The following ARHGAP15 variants were observed in gnomAD, a reference collection of about 807,000 sequenced individuals.
ARHGAP15 encodes the protein Rho GTPase activating protein 15.
In ARHGAP15, 51 loss-of-function variants were observed where a neutral mutation model predicts 63.7. The observed-to-expected ratio is 0.80, with a 90% confidence interval of 0.64 to 1.01. The LOEUF is 1.01. Ranked by LOEUF, ARHGAP15 falls within the 50% of genes least tolerant of loss-of-function variation. The probability of loss-of-function intolerance (pLI) is 0.00; values close to 1 mark genes in which losing one functional copy is unlikely to be tolerated. For synonymous variants in ARHGAP15, 191 were observed against 193.8 expected (o/e 0.99, Z 0.12); for missense variants, 560 against 564.6 (o/e 0.99, Z 0.08).
At chr2:143,592,172 A>G (rs1248916834) in intron 11 of ARHGAP15, among the ~76,000 whole-genome samples, 1 of 152,146 alleles carries the variant, frequency 6.6e-6, no homozygotes, top group Non-Finnish European at 1.5e-5. Context: ...TTTTAAAATT[A>G]TACTCTCATA....
intron 3 of ARHGAP15, among the ~76,000 whole-genome samples, chr2:143,208,734 A>C (rs1692451025): frequency 6.6e-6 from 1 of 152,164 alleles, no homozygotes; most frequent in Non-Finnish European, 1.5e-5. Context: ...ACTGTTCATG[A>C]GACCTAATTA....
chr2:143,422,363 T>A (rs7605635), intron 6 of ARHGAP15, among the ~76,000 whole-genome samples: 9,062 of 152,132 alleles, frequency 0.06, 774 homozygotes, highest in Admixed American at 0.23. Context: ...GGGATTATTG[T>A]TTGAGATCAT....
intron 1 of ARHGAP15, among the ~76,000 whole-genome samples, chr2:143,136,456 C>A (rs777970284): frequency 6.6e-6 from 1 of 152,090 alleles, no homozygotes; most frequent in South Asian, 2.1e-4. Context: ...TCTCTGCTTT[C>A]AAGTTAGAAT....
chr2:143,585,700 A>C (rs1441019340), intron 11 of ARHGAP15, among the ~76,000 whole-genome samples: 1 of 152,190 alleles, frequency 6.6e-6, no homozygotes, highest in Non-Finnish European at 1.5e-5. Flanking sequence ...TTTAGACCAA[A>C]TCTTTCTCAT....
At chr2:143,387,232 G>A (rs1255833062) in intron 6 of ARHGAP15, among the ~76,000 whole-genome samples, 2 of 152,088 alleles carry the variant, frequency 1.3e-5, no homozygotes, top group Non-Finnish European at 2.9e-5. Context: ...TTGTAATGGT[G>A]GAAGTTCCTT....
At chr2:143,188,641 A>ATTC (rs1396515014) in intron 2 of ARHGAP15, among the ~76,000 whole-genome samples, 1 of 140,258 alleles carries the variant, frequency 7.1e-6, no homozygotes, top group Non-Finnish European at 1.6e-5. Context: ...TATTATTATT[A>ATTC]TTATTATTAT....
At chr2:143,268,144 C>T (rs1361097960) in intron 6 of ARHGAP15, among the ~76,000 whole-genome samples, 1 of 150,896 alleles carries the variant, frequency 6.6e-6, no homozygotes, top group Non-Finnish European at 1.5e-5. Context: ...ATGTATGTAA[C>T]TATCATGGCA....
chr2:143,539,825 G>C (rs1332848240), intron 10 of ARHGAP15, among the ~76,000 whole-genome samples: 1 of 152,070 alleles, frequency 6.6e-6, no homozygotes, highest in Admixed American at 6.5e-5. Context: ...TGGAATAGGA[G>C]TGGTGTGGTG....
intron 9 of ARHGAP15, among the ~76,000 whole-genome samples, chr2:143,503,727 A>G (rs376993998): frequency 5.9e-5 from 9 of 152,356 alleles, no homozygotes; most frequent in Middle Eastern, 3.4e-3. Context: ...CTGTGTGCCT[A>G]GACTGTGATT....
intron 6 of ARHGAP15, among the ~76,000 whole-genome samples, chr2:143,261,478 AC>A (rs997041204): frequency 2.6e-5 from 4 of 151,198 alleles, no homozygotes; most frequent in African/African-American, 9.7e-5. Context: ...AGCTGGTATT[AC>A]AGGAACCCAC....
At chr2:143,766,369 G>A (rs1409130426) in intron 13 of ARHGAP15, among the ~76,000 whole-genome samples, 1 of 152,170 alleles carries the variant, frequency 6.6e-6, no homozygotes, top group East Asian at 1.9e-4. Flanking sequence ...ATTATTCAGA[G>A]AGTAGCCTTC....
At chr2:143,270,816 G>C (rs1360559499) in intron 6 of ARHGAP15, among the ~76,000 whole-genome samples, 1 of 152,026 alleles carries the variant, frequency 6.6e-6, no homozygotes, top group African/African-American at 2.4e-5. Context: ...CCTGATTTTG[G>C]CTTTTGTAAG....
intron 2 of ARHGAP15, among the ~76,000 whole-genome samples, chr2:143,167,307 C>G (rs947205985): frequency 3.9e-5 from 6 of 152,038 alleles, no homozygotes; most frequent in African/African-American, 1.4e-4. Context: ...GCCATTGTAG[C>G]CTTTAAAGTA....
At chr2:143,570,983 A>C (rs1006773598) in intron 11 of ARHGAP15, among the ~76,000 whole-genome samples, 1 of 152,168 alleles carries the variant, frequency 6.6e-6, no homozygotes, top group Non-Finnish European at 1.5e-5. Flanking sequence ...GGTGAGTGGC[A>C]GGTGAGAGAG....
intron 8 of ARHGAP15, among the ~76,000 whole-genome samples, chr2:143,444,940 T>G (rs1245058406): frequency 6.6e-6 from 1 of 152,126 alleles, no homozygotes; most frequent in Non-Finnish European, 1.5e-5. Context: ...TACATCTTTC[T>G]TTGGTTATTT....
intron 6 of ARHGAP15, among the ~76,000 whole-genome samples, chr2:143,342,188 A>G (rs1020617398): frequency 2.0e-5 from 3 of 152,100 alleles, no homozygotes; most frequent in African/African-American, 7.2e-5. Flanking sequence ...TAAAAGTTGA[A>G]AGCTATATCC....
intron 13 of ARHGAP15, chr2:143,766,816 G>A (rs138256233): frequency 1.3e-5 from 2 of 152,304 alleles, no homozygotes; most frequent in Non-Finnish European, 2.9e-5. Context: ...TCCACTGGCG[G>A]CGGGATGGGG....
chr2:143,416,873 A>G (rs1688714245), intron 6 of ARHGAP15, among the ~76,000 whole-genome samples: 1 of 98,810 alleles, frequency 1.0e-5, no homozygotes, highest in African/African-American at 4.2e-5. Flanking sequence ...CCACTCCACC[A>G]GAAGCTTAGG....
intron 10 of ARHGAP15, among the ~76,000 whole-genome samples, chr2:143,522,470 C>T (rs1280315358): frequency 6.6e-6 from 1 of 152,082 alleles, no homozygotes; most frequent in African/African-American, 2.4e-5. Context: ...TTTTTTGAAG[C>T]AATTTCTGTG....
Sources: allele counts gnomAD v4.1 joint callset (sites outside exome capture counted in the v4.1 genomes callset), GRCh38; gene constraint gnomAD v4.1.1; transcripts MANE v1.5; gene names NCBI Gene and HGNC (gene_info 2026-07-23, HGNC 2026-07-21).